Variants in NELL1 observed in about 807,000 individuals in gnomAD.
The protein encoded by NELL1 is neural EGFL like 1.
Under a neutral mutation model 107.4 loss-of-function variants are expected in NELL1, and 76 were observed. That is an observed-to-expected ratio of 0.71 (90% CI 0.59 to 0.86). The LOEUF (loss-of-function observed/expected upper bound fraction) is 0.86. NELL1 is among the 40% of genes least tolerant of loss of function. The pLI is 0.00. For synonymous variants in NELL1, 353 were observed against 341.2 expected (o/e 1.03, Z -0.38); for missense variants, 1,024 against 1,005.5 (o/e 1.02, Z -0.25).
At chr11:20,828,900 T>C (rs1415459046) in intron 3 of NELL1, among the ~76,000 whole-genome samples, 2 of 152,150 alleles carry the variant, frequency 1.3e-5, no homozygotes, top group Admixed American at 6.6e-5. Flanking sequence ...ATGAGAACCA[T>C]GAGCCAAGAT....
intron 2 of NELL1, among the ~76,000 whole-genome samples, chr11:20,761,094 G>A (rs1056133612): frequency 6.6e-6 from 1 of 152,216 alleles, no homozygotes; most frequent in Non-Finnish European, 1.5e-5. Flanking sequence ...TCTGGCATGA[G>A]AGTGTGTTTG....
intron 4 of NELL1, among the ~76,000 whole-genome samples, chr11:20,865,250 G>A (rs1277500723): frequency 6.6e-6 from 1 of 152,222 alleles, no homozygotes; most frequent in Non-Finnish European, 1.5e-5. Context: ...CAAATTATAT[G>A]ACTGAGGCTT....
intron 13 of NELL1, among the ~76,000 whole-genome samples, chr11:21,160,815 T>A (rs1856348004): frequency 6.6e-6 from 1 of 152,194 alleles, no homozygotes; most frequent in Non-Finnish European, 1.5e-5. Context: ...ACATTCTGTT[T>A]TAGCTCAGCT....
At position 20,669,722 on chromosome 11, in the gene NELL1, C is replaced by G. The variant is rs781594569; in HGVS notation, c.-2C>G. The G allele has an allele frequency of 6.2e-7, 1 of 1,613,020 alleles. No homozygotes were observed. Among genetic ancestry groups the G allele is most frequent in the South Asian group, 1.1e-5 (1 of 91,002 alleles). On this transcript the variant is annotated 5_prime_UTR_variant, in exon 1 of 20. Transcript: ENST00000357134. This position sits in a 1 kb window ranked among gnomAD's most constrained non-coding sequence, Gnocchi z 4.4. ...CCTGCTAGGCGGGGACCCTCGAGAG[C>G]GATGCCGATGGATTTGATTTTAGTT...
chr11:20,830,114 A>C (rs1020693255), intron 3 of NELL1, among the ~76,000 whole-genome samples: 1 of 152,034 alleles, frequency 6.6e-6, no homozygotes, highest in Non-Finnish European at 1.5e-5. Flanking sequence ...TCTACTAAAA[A>C]TACAAAAATT....
intron 12 of NELL1, among the ~76,000 whole-genome samples, chr11:20,975,733 A>G (rs1487469185): frequency 1.0e-5 from 1 of 100,288 alleles, no homozygotes; most frequent in Non-Finnish European, 1.9e-5. Flanking sequence ...GTATTATATA[A>G]TGTATGTATT....
intron 14 of NELL1, among the ~76,000 whole-genome samples, chr11:21,232,235 C>G (rs1311965624): frequency 6.8e-6 from 1 of 147,054 alleles, no homozygotes; most frequent in South Asian, 2.2e-4. Flanking sequence ...GAGGCTGAGG[C>G]AGGCGAATTG....
At chr11:21,282,479 A>AG (rs1491106756) in intron 14 of NELL1, among the ~76,000 whole-genome samples, 1 of 71,358 alleles carries the variant, frequency 1.4e-5, no homozygotes, top group East Asian at 3.2e-4. Flanking sequence ...ACTCTGTCTC[A>AG]AAAAAAAAAA....
At chr11:21,007,383 A>T (rs950437996) in intron 12 of NELL1, among the ~76,000 whole-genome samples, 3 of 138,388 alleles carry the variant, frequency 2.2e-5, no homozygotes, top group Non-Finnish European at 3.2e-5. Context: ...ATGTACACAC[A>T]CACAGACACA....
chr11:21,350,349 A>C (rs1364103148), intron 14 of NELL1, among the ~76,000 whole-genome samples: 2 of 146,506 alleles, frequency 1.4e-5, no homozygotes, highest in Non-Finnish European at 3.0e-5. Context: ...TGATTTAACT[A>C]CTGAGCAAGA....
At chr11:21,408,399 G>A (rs550818053) in intron 15 of NELL1, among the ~76,000 whole-genome samples, 1 of 152,032 alleles carries the variant, frequency 6.6e-6, no homozygotes, top group East Asian at 2.0e-4. Context: ...TCTTAGGCCA[G>A]GGCACTGCTT....
At chr11:21,039,483 G>C (rs887973284) in intron 12 of NELL1, among the ~76,000 whole-genome samples, 28 of 152,054 alleles carry the variant, frequency 1.8e-4, no homozygotes, top group African/African-American at 6.5e-4. Flanking sequence ...ACCACACCTG[G>C]CCAGGAATTT....
chr11:21,102,590 A>T (rs75042645), intron 12 of NELL1, among the ~76,000 whole-genome samples: 2,915 of 152,272 alleles, frequency 0.019, 76 homozygotes, highest in African/African-American at 0.066. Flanking sequence ...TGAGTTAATA[A>T]TATAGGACAG....
chr11:21,508,439 A>C (rs12576221), intron 15 of NELL1, among the ~76,000 whole-genome samples: 29,575 of 152,042 alleles, frequency 0.19, 2,974 homozygotes, highest in East Asian at 0.28. Context: ...CAGTGAAACA[A>C]TGAGGAAATG....
chr11:20,796,691 TAAC>T (rs1417459130), intron 3 of NELL1, among the ~76,000 whole-genome samples: 2 of 152,100 alleles, frequency 1.3e-5, no homozygotes, highest in African/African-American at 4.8e-5. Flanking sequence ...ATTCTGGAGA[TAAC>T]AATGCAAAAC....
At chr11:20,889,942 TC>T (rs1430664455) in intron 5 of NELL1, among the ~76,000 whole-genome samples, 2 of 152,136 alleles carry the variant, frequency 1.3e-5, no homozygotes, top group African/African-American at 2.4e-5. Context: ...TTCTGAAGAA[TC>T]CGGGCAGTCT....
chr11:21,535,942 T>A (rs1251405106), intron 16 of NELL1, among the ~76,000 whole-genome samples: 1 of 152,118 alleles, frequency 6.6e-6, no homozygotes, highest in African/African-American at 2.4e-5. Flanking sequence ...ATGGCTATTG[T>A]TGAGGAATGA....
intron 3 of NELL1, among the ~76,000 whole-genome samples, chr11:20,821,161 G>A (rs527432706): frequency 7.9e-5 from 12 of 152,266 alleles, no homozygotes; most frequent in African/African-American, 2.2e-4. Flanking sequence ...TTTACCAGGT[G>A]GAGAAGTTGT....
intron 2 of NELL1, among the ~76,000 whole-genome samples, chr11:20,767,670 G>C (rs995434131): frequency 3.3e-5 from 5 of 152,210 alleles, no homozygotes; most frequent in African/African-American, 1.2e-4. Flanking sequence ...CCCTGTCCTT[G>C]AGGGGCTATT....
Sources: gnomAD v4.1 joint callset for allele counts (sites outside exome capture counted in the v4.1 genomes callset) on GRCh38, gnomAD v4.1.1 for gene constraint, Gnocchi (gnomAD v3.1) non-coding constraint, MANE v1.5 for transcripts, NCBI Gene and HGNC (gene_info 2026-07-23, HGNC 2026-07-21) for gene names.